EBF1: variants seen among roughly 807,000 people sequenced by gnomAD.
The protein encoded by EBF1 is transcription factor COE1.
Under a neutral mutation model 68.4 loss-of-function variants are expected in EBF1, and 10 were observed. That is an observed-to-expected ratio of 0.15 (90% CI 0.09 to 0.25). The LOEUF is 0.25. EBF1 is among the 10% of genes least tolerant of loss of function. EBF1 has a pLI of 1.00. For missense variants in EBF1, 509 were observed against 794.4 expected (o/e 0.64, Z 4.32); for synonymous variants, 298 against 299.8 (o/e 0.99, Z 0.06).
chr5:159,033,538 C>T (rs1031364685), intron 6 of EBF1, among the ~76,000 whole-genome samples: 12 of 152,124 alleles, frequency 7.9e-5, no homozygotes, highest in African/African-American at 1.4e-4. Flanking sequence ...ACGTCTTTTT[C>T]GGAGGGAGTT....
At chr5:158,775,504 T>C (rs1034723998) in intron 10 of EBF1, among the ~76,000 whole-genome samples, 17 of 152,198 alleles carry the variant, frequency 1.1e-4, no homozygotes, top group African/African-American at 3.9e-4. Flanking sequence ...CTCCTTTTCT[T>C]GTTCTTAATA....
intron 11 of EBF1, among the ~76,000 whole-genome samples, chr5:158,714,573 G>C (rs1760218299): frequency 6.6e-6 from 1 of 152,110 alleles, no homozygotes; most frequent in Admixed American, 6.5e-5. Context: ...CAGTAACCAT[G>C]ACCTTATCAG....
chr5:159,062,319 G>A (rs963738008), intron 6 of EBF1, among the ~76,000 whole-genome samples: 7 of 152,140 alleles, frequency 4.6e-5, no homozygotes, highest in Non-Finnish European at 8.8e-5. Flanking sequence ...CAGGCCAGGC[G>A]CCTGATTGGA....
rs568962498 is a variant in EBF1 at position 158,751,287 on chromosome 5, C to T, written c.1037-20130G>A. Among the ~76,000 whole-genome samples the T allele has an allele frequency of 1.1e-4, 16 of 151,876 alleles. No homozygotes were observed. In the South Asian group the frequency reaches 2.1e-3, roughly 20 times the overall value. On this transcript the variant is annotated intron_variant, in intron 10 of 15. Transcript: ENST00000313708. ...TATATCTAAGCACGTATTAGAGAGA[C>T]GGGCGAATGAACAACTTAGAATGAA...
intron 5 of EBF1, among the ~76,000 whole-genome samples, chr5:159,083,663 G>C (rs1780114894): frequency 6.6e-6 from 1 of 152,150 alleles, no homozygotes; most frequent in South Asian, 2.1e-4. Context: ...TCCCCCACAA[G>C]TCCACAAGCA....
At chr5:158,932,083 T>C (rs1174314191) in intron 6 of EBF1, among the ~76,000 whole-genome samples, 1 of 152,178 alleles carries the variant, frequency 6.6e-6, no homozygotes, top group African/African-American at 2.4e-5. Context: ...GGAGCACACA[T>C]TGGCACAGCC....
At position 158,736,414 on chromosome 5, in the gene EBF1, G is replaced by T. The variant is rs72810372; in HGVS notation, c.1037-5257C>A. Reference sequence around the variant, plus strand: ...TTTTATAGCTCAGCGACTCACTGCCGTGCTTTCACATATTTCTGGGGTTTT... The same window carrying T: ...TTTTATAGCTCAGCGACTCACTGCCTTGCTTTCACATATTTCTGGGGTTTT... On this transcript the variant is annotated intron_variant, in intron 10 of 15. Coordinates refer to ENST00000313708, the MANE Select transcript of EBF1 (RefSeq NM_024007.5). Among the ~76,000 whole-genome samples the T allele has an allele frequency of 8.8e-3, 1,342 of 152,190 alleles. 12 individuals carry two copies. The highest frequency in any genetic ancestry group is 0.016 in the Non-Finnish European group (1,077 of 67,994).
intron 6 of EBF1, among the ~76,000 whole-genome samples, chr5:158,940,019 CTCTCTT>C (rs1159648066): frequency 1.3e-5 from 2 of 152,242 alleles, no homozygotes; most frequent in Non-Finnish European, 2.9e-5. Context: ...GGCTTTCCTG[CTCTCTT>C]TCTAACTGCA....
At chr5:158,842,626 C>T (rs1466664571) in intron 6 of EBF1, among the ~76,000 whole-genome samples, 1 of 152,168 alleles carries the variant, frequency 6.6e-6, no homozygotes, top group East Asian at 1.9e-4. Context: ...ACAGGCCTTA[C>T]TGTATAGGGA....
At chr5:158,939,206 C>T (rs553133868) in intron 6 of EBF1, among the ~76,000 whole-genome samples, 3 of 152,316 alleles carry the variant, frequency 2.0e-5, no homozygotes, top group Admixed American at 1.3e-4. Context: ...AGGGCTGAGT[C>T]TTCTGAAAAA....
At chr5:158,772,530 G>A (rs969756278) in intron 10 of EBF1, among the ~76,000 whole-genome samples, 1 of 152,162 alleles carries the variant, frequency 6.6e-6, no homozygotes. Flanking sequence ...TATTAGCTGT[G>A]TGATGCATTC....
At chr5:158,721,230 T>C (rs1474367129) in intron 11 of EBF1, among the ~76,000 whole-genome samples, 4 of 152,158 alleles carry the variant, frequency 2.6e-5, no homozygotes, top group Non-Finnish European at 4.4e-5. Context: ...TGAACCAGCA[T>C]GCGGCATGGT....
chr5:159,032,130 C>T (rs954504134), intron 6 of EBF1, among the ~76,000 whole-genome samples: 5 of 152,066 alleles, frequency 3.3e-5, no homozygotes, highest in African/African-American at 1.2e-4. Flanking sequence ...AACAAATGCC[C>T]TGTTTAATTT....
intron 5 of EBF1, chr5:159,073,752 G>A (rs1027013935): frequency 4.0e-5 from 16 of 399,152 alleles, no homozygotes; most frequent in African/African-American, 2.6e-4. Context: ...CGCGGTGCTG[G>A]CAGAGTTCAC....
chr5:159,069,473 C>CATCTG (rs1420325446), intron 6 of EBF1, among the ~76,000 whole-genome samples: 1 of 151,980 alleles, frequency 6.6e-6, no homozygotes, highest in Non-Finnish European at 1.5e-5. Flanking sequence ...TTTATAAGAC[C>CATCTG]ATCTGTATTC....
chr5:158,878,523 C>A (rs1235312190), intron 6 of EBF1, among the ~76,000 whole-genome samples: 2 of 152,156 alleles, frequency 1.3e-5, no homozygotes, highest in East Asian at 1.9e-4. Context: ...TTAACCCCCA[C>A]AACAACACTA....
chr5:158,993,877 A>G (rs978755232), intron 6 of EBF1, among the ~76,000 whole-genome samples: 2 of 152,220 alleles, frequency 1.3e-5, no homozygotes, highest in African/African-American at 4.8e-5. Context: ...CTCAAATTCC[A>G]GTCCAACTGG....
At chr5:159,025,715 G>A (rs1767596608) in intron 6 of EBF1, among the ~76,000 whole-genome samples, 1 of 152,134 alleles carries the variant, frequency 6.6e-6, no homozygotes. Flanking sequence ...TTTTCTATAG[G>A]AAGCTCTCTT....
At chr5:158,751,636 A>G (rs986998473) in intron 10 of EBF1, among the ~76,000 whole-genome samples, 2 of 152,118 alleles carry the variant, frequency 1.3e-5, no homozygotes, top group African/African-American at 4.8e-5. Context: ...TCTATGTCTC[A>G]GTCTCCTTAC....
Sources: gnomAD v4.1 joint callset for allele counts (sites outside exome capture counted in the v4.1 genomes callset) on GRCh38, gnomAD v4.1.1 for gene constraint, MANE v1.5 for transcripts, NCBI Gene and HGNC (gene_info 2026-07-23, HGNC 2026-07-21) for gene names.